Variants in PHF6 observed in about 807,000 individuals in gnomAD.
PHF6 encodes the protein PHD-like zinc finger protein.
Under a neutral mutation model 34.0 loss-of-function variants are expected in PHF6, and 7 were observed. The ratio of observed to expected loss-of-function variants is 0.21; its 90% CI spans 0.12 to 0.39. The LOEUF is 0.39. Ranked by LOEUF, PHF6 falls within the 10% of genes least tolerant of loss-of-function variation. The probability of loss-of-function intolerance (pLI) is 1.00; values close to 1 mark genes in which losing one functional copy is unlikely to be tolerated. For synonymous variants in PHF6, 89 were observed against 88.4 expected (o/e 1.01, Z -0.04); for missense variants, 128 against 262.8 (o/e 0.49, Z 3.55).
At chrX:134,384,294 G>T (rs1288581664) in intron 3 of PHF6, among the ~76,000 whole-genome samples, 1 of 111,628 alleles carries the variant, frequency 9.0e-6, no homozygotes, top group African/African-American at 3.3e-5. Context: ...TTCCAGTTGA[G>T]TAAGGTGGGA....
chrX:134,386,343 A>G (rs1018658016), intron 3 of PHF6, among the ~76,000 whole-genome samples: 1 of 110,449 alleles, frequency 9.1e-6, no homozygotes, highest in Non-Finnish European at 1.9e-5. Context: ...AACCAACTCT[A>G]CTAAATCAGA....
chrX:134,422,702 C>A (rs937565207), intron 9 of PHF6, among the ~76,000 whole-genome samples: 2 of 111,205 alleles, frequency 1.8e-5, no homozygotes, highest in African/African-American at 6.6e-5. Context: ...GTATTTTTAA[C>A]TATTTCAATA....
rs748317607 is a variant in PHF6, at chrX:134,384,690, C to T, written c.240+6584C>T. Among the ~76,000 whole-genome samples the T allele has an allele frequency of 1.2e-4, 13 of 108,258 alleles. No individual in the cohort carries two copies. In the South Asian group the frequency reaches 1.2e-3, roughly 10 times the overall value. 94.0% of individuals were successfully genotyped at this position (108,258 alleles called of 115,157 possible). A position where few individuals can be genotyped will look rare whatever the true frequency, so the allele number is the denominator to read the frequency against. ...TTTTTGAGACGGAGTCTTGCTCTGT[C>T]GCCCAGGCTGGAGTACAGTGGCACG... On this transcript the variant is annotated intron_variant, in intron 3 of 10. Coordinates refer to ENST00000370803, the MANE Select transcript of PHF6 (RefSeq NM_001015877.2).
intron 5 of PHF6, among the ~76,000 whole-genome samples, chrX:134,398,090 A>G (rs779662271): frequency 1.8e-5 from 2 of 112,025 alleles, no homozygotes; most frequent in Non-Finnish European, 3.8e-5. Context: ...ATAGAAAGCT[A>G]TGTAAGTAAA....
intron 5 of PHF6, among the ~76,000 whole-genome samples, chrX:134,402,213 C>T (rs12842475): frequency 8.9e-6 from 1 of 112,113 alleles, no homozygotes; most frequent in African/African-American, 3.2e-5. Context: ...CCAAGATGGT[C>T]TCCATCTCCT....
rs775639514 is a variant in PHF6, at chrX:134,406,062, TTTTCTTTCTTTCTTTCTTTC to T, written c.419-7397_419-7378del. ...CAATCTTAATGCCTGTCCTTTTTCT[TTTTCTTTCTTTCTTTCTTTC>T]TTTCTTTCTTTCTTTCTTTCTTTCT... is the stretch of plus-strand genomic sequence containing the variant. On this transcript the variant is annotated intron_variant, in intron 5 of 10. Coordinates refer to ENST00000370803, the MANE Select transcript of PHF6 (RefSeq NM_001015877.2). Among the ~76,000 whole-genome samples, 723 of 78,057 alleles carry T rather than the reference TTTTCTTTCTTTCTTTCTTTC, an allele frequency of 9.3e-3. 4 individuals are homozygous for T. Among genetic ancestry groups the T allele is most frequent in the African/African-American group, 0.032 (661 of 20,710 alleles). 67.8% of individuals were successfully genotyped at this position (78,057 alleles called of 115,157 possible). A position where few individuals can be genotyped will look rare whatever the true frequency, so the allele number is the denominator to read the frequency against.
At chrX:134,417,967 G>A (rs762720919) in intron 9 of PHF6, 2 of 112,103 alleles carry the variant, frequency 1.8e-5, no homozygotes, top group South Asian at 3.8e-4. Context: ...ACATAGCAGC[G>A]TAAGTGTTCT....
intron 1 of PHF6, among the ~76,000 whole-genome samples, chrX:134,376,625 C>T (rs2077279076): frequency 9.0e-6 from 1 of 111,641 alleles, no homozygotes; most frequent in African/African-American, 3.2e-5. Context: ...TTCCTTTACA[C>T]AATATTACTA....
At chrX:134,422,003 A>G (rs2077493706) in intron 9 of PHF6, among the ~76,000 whole-genome samples, 1 of 110,423 alleles carries the variant, frequency 9.1e-6, no homozygotes, top group Admixed American at 9.7e-5. Flanking sequence ...ATCACAACCC[A>G]TTGCAGCCTC....
chrX:134,393,689 G>C (rs1273702231), intron 4 of PHF6, 55 bp downstream of exon 4: 3 of 1,098,486 alleles, frequency 2.7e-6, no homozygotes, highest in Non-Finnish European at 2.5e-6. Context: ...CTTTCTTTGG[G>C]CTTTTGTAAA....
chrX:134,374,965 G>A (rs1420321909), intron 1 of PHF6, among the ~76,000 whole-genome samples: 2 of 111,930 alleles, frequency 1.8e-5, no homozygotes, highest in East Asian at 2.8e-4. Context: ...CCATATAGCT[G>A]TGGATCATTA....
intron 3 of PHF6, among the ~76,000 whole-genome samples, chrX:134,379,563 C>T (rs2077296872): frequency 1.9e-5 from 2 of 106,903 alleles, no homozygotes; most frequent in South Asian, 4.2e-4. Flanking sequence ...CTGCCTCAGC[C>T]TCCCAAGTAG....
chrX:134,415,597 A>G (rs1388370093), intron 8 of PHF6, among the ~76,000 whole-genome samples: 1 of 112,392 alleles, frequency 8.9e-6, no homozygotes, highest in Non-Finnish European at 1.9e-5. Context: ...AATTACCAAC[A>G]AGTAGCTCTA....
chrX:134,379,396 T>TG (rs1216288956), intron 3 of PHF6, among the ~76,000 whole-genome samples: 1 of 106,342 alleles, frequency 9.4e-6, no homozygotes, highest in African/African-American at 3.4e-5. Context: ...TAGAAAGCTC[T>TG]GGGGTTTTTT....
chrX:134,427,702 GT>G lies in PHF6; in HGVS notation c.*2047del, dbSNP rs1174813122. On this transcript the variant is annotated 3_prime_UTR_variant, in exon 11 of 11. Transcript: ENST00000370803. The stretch of plus-strand genomic sequence containing the variant: ...TGGCTAGATAAGTGGCTGACTACCT[GT>G]TTTTCTCACTGTGGTGTGATTGGCT... 1.2e-5 allele frequency: 2 copies of G among 162,842 alleles called. No individual in the cohort carries two copies. Among genetic ancestry groups the G allele is most frequent in the East Asian group, 1.8e-4 (2 of 10,901 alleles). The allele number at this position is 162,842 out of a possible 1,213,427, so 13.4% of individuals were successfully genotyped here.
At chrX:134,393,830 G>A in intron 4 of PHF6, 79 bp from the exon 5 acceptor site, 3 of 934,599 alleles carry the variant, frequency 3.2e-6, no homozygotes, top group African/African-American at 1.9e-5. Context: ...TGGGTGAAGT[G>A]TACTGCTCGT....
intron 3 of PHF6, among the ~76,000 whole-genome samples, chrX:134,384,942 C>CCT (rs1569336280): frequency 8.1e-5 from 9 of 111,748 alleles, no homozygotes; most frequent in Non-Finnish European, 1.1e-4. Flanking sequence ...TGAGCCACTG[C>CCT]GCCCAGCCTG....
rs189051342 is a variant in PHF6 at position 134,386,251 on chromosome X, G to A, written c.241-7250G>A. 2.2e-4 allele frequency among the ~76,000 whole-genome samples: 25 copies of A among 111,552 alleles called. 1 individual carries two copies. The highest frequency in any genetic ancestry group is 4.7e-3 in the Middle Eastern group (1 of 212). On this transcript the variant is annotated intron_variant, in intron 3 of 10. Coordinates refer to ENST00000370803, the MANE Select transcript of PHF6 (RefSeq NM_001015877.2). The stretch of plus-strand genomic sequence containing the variant: ...GAATACCCACATTGTATAGAATGCT[G>A]CCACTTTGCTTTCTGCAATCACAGA...
At chrX:134,423,417 A>G (rs2077498217) in intron 9 of PHF6, among the ~76,000 whole-genome samples, 1 of 111,537 alleles carries the variant, frequency 9.0e-6, no homozygotes, top group South Asian at 3.7e-4. Flanking sequence ...CCTCTCTCCC[A>G]TTTCTTGTAA....
Sources: gnomAD v4.1 joint callset for allele counts (sites outside exome capture counted in the v4.1 genomes callset) on GRCh38, gnomAD v4.1.1 for gene constraint, MANE v1.5 for transcripts, NCBI Gene and HGNC (gene_info 2026-07-23, HGNC 2026-07-21) for gene names.